Variants in IL1RAPL1 observed in about 807,000 individuals in gnomAD.
IL1RAPL1 encodes the protein interleukin 1 receptor accessory protein like 1.
Under a neutral mutation model 48.4 loss-of-function variants are expected in IL1RAPL1, and 3 were observed. The ratio of observed to expected loss-of-function variants is 0.06; its 90% CI spans 0.03 to 0.16. The LOEUF is 0.16. IL1RAPL1 is among the 10% of genes least tolerant of loss of function. The pLI, the probability that IL1RAPL1 is intolerant of heterozygous loss-of-function variation, is 1.00. For missense variants in IL1RAPL1, 349 were observed against 530.6 expected, an observed-to-expected ratio of 0.66 and a Z score of 3.36; for synonymous variants, 185 against 187.7, an observed-to-expected ratio of 0.99 and a Z score of 0.12.
chrX:29,556,507 G>A (rs920008469), intron 5 of IL1RAPL1, among the ~76,000 whole-genome samples: 1 of 110,266 alleles, frequency 9.1e-6, no homozygotes, highest in African/African-American at 3.3e-5. Context: ...AATTAGCTGG[G>A]TGTGGTGTTG....
At chrX:29,598,206 A>G (rs1383509697) in intron 5 of IL1RAPL1, among the ~76,000 whole-genome samples, 1 of 111,740 alleles carries the variant, frequency 8.9e-6, no homozygotes, top group Admixed American at 9.5e-5. Context: ...TGTAGCCCAG[A>G]GGTTTTGATA....
chrX:29,376,477 T>G (rs1933625197), intron 3 of IL1RAPL1, among the ~76,000 whole-genome samples: 1 of 109,984 alleles, frequency 9.1e-6, no homozygotes, highest in Non-Finnish European at 1.9e-5. Context: ...GCTCAGGTGA[T>G]CCTCACTAGC....
intron 2 of IL1RAPL1, among the ~76,000 whole-genome samples, chrX:29,016,762 A>T (rs1241316278): frequency 3.6e-5 from 4 of 111,372 alleles, no homozygotes; most frequent in Non-Finnish European, 7.5e-5. Context: ...TATATAATTT[A>T]CTGTGATATT....
At chrX:29,114,880 T>G (rs1291777749) in intron 2 of IL1RAPL1, among the ~76,000 whole-genome samples, 1 of 111,557 alleles carries the variant, frequency 9.0e-6, no homozygotes, top group Non-Finnish European at 1.9e-5. Context: ...CGCCCGCCTC[T>G]ACCTCCCAAA....
chrX:29,056,695 C>T (rs180797036), intron 2 of IL1RAPL1, among the ~76,000 whole-genome samples: 1 of 111,585 alleles, frequency 9.0e-6, no homozygotes, highest in Non-Finnish European at 1.9e-5. Flanking sequence ...CATAGGTAAA[C>T]ATGTGCCATG....
intron 5 of IL1RAPL1, among the ~76,000 whole-genome samples, chrX:29,414,716 A>T (rs973104369): frequency 8.9e-6 from 1 of 111,843 alleles, no homozygotes; most frequent in African/African-American, 3.2e-5. Context: ...ATTTTTTTTT[A>T]AAGATCATCT....
At chrX:29,934,612 T>G (rs1932999769) in intron 8 of IL1RAPL1, among the ~76,000 whole-genome samples, 1 of 111,806 alleles carries the variant, frequency 8.9e-6, no homozygotes, top group South Asian at 3.7e-4. Flanking sequence ...TCCACCTAGA[T>G]TTACCAATTA....
At chrX:28,822,239 A>G (rs1936944488) in intron 2 of IL1RAPL1, among the ~76,000 whole-genome samples, 2 of 111,470 alleles carry the variant, frequency 1.8e-5, no homozygotes, top group Non-Finnish European at 3.8e-5. Flanking sequence ...ACACATTGAT[A>G]ATGACTTGTT....
intron 3 of IL1RAPL1, among the ~76,000 whole-genome samples, chrX:29,328,092 A>G (rs945233522): frequency 3.6e-5 from 4 of 111,854 alleles, no homozygotes. Flanking sequence ...TCCTGCCACA[A>G]CACAGCAGTT....
chrX:28,638,226 A>G (rs1179124866), intron 1 of IL1RAPL1, among the ~76,000 whole-genome samples: 1 of 111,861 alleles, frequency 8.9e-6, no homozygotes, highest in Non-Finnish European at 1.9e-5. Flanking sequence ...GTGAAATTAT[A>G]TGCCTAGTCC....
At chrX:29,769,420 C>CCAAA (rs1465456200) in intron 6 of IL1RAPL1, among the ~76,000 whole-genome samples, 2 of 86,232 alleles carry the variant, frequency 2.3e-5, no homozygotes, top group South Asian at 1.1e-3. Flanking sequence ...TGAGGGACTG[C>CCAAA]CAAACAGTTT....
intron 5 of IL1RAPL1, among the ~76,000 whole-genome samples, chrX:29,449,677 C>T (rs1425366609): frequency 6.7e-5 from 7 of 105,019 alleles, no homozygotes; most frequent in Non-Finnish European, 5.8e-5. Flanking sequence ...GAGAAACCAA[C>T]TGGTGAAGAT....
At chrX:29,623,022 G>A (rs1269775795) in intron 5 of IL1RAPL1, among the ~76,000 whole-genome samples, 4 of 108,798 alleles carry the variant, frequency 3.7e-5, no homozygotes, top group Non-Finnish European at 7.6e-5. Context: ...TGTAATCCCA[G>A]CGCTTTGGGA....
chrX:29,867,032 G>C (rs1931708658), intron 6 of IL1RAPL1, among the ~76,000 whole-genome samples: 1 of 110,744 alleles, frequency 9.0e-6, no homozygotes, highest in African/African-American at 3.3e-5. Flanking sequence ...CAAATAACTT[G>C]TTCAGGATCA....
intron 2 of IL1RAPL1, among the ~76,000 whole-genome samples, chrX:28,790,377 C>CATGAGT (rs1936522636): frequency 8.9e-6 from 1 of 112,559 alleles, no homozygotes; most frequent in Admixed American, 9.4e-5. Context: ...TGAGATGGGG[C>CATGAGT]TGTGAAGCAA....
At position 29,066,996 on chromosome X, in the gene IL1RAPL1, C is replaced by T. The variant is rs753677592; in HGVS notation, c.83-215942C>T. Among the ~76,000 whole-genome samples, 4 of 111,708 alleles carry T rather than the reference C, an allele frequency of 3.6e-5. No homozygotes were observed. The South Asian group carries it at 1.1e-3, about 32-fold the overall frequency. Reference sequence around the variant, plus strand: ...AGGAAGGATGTAGACCATGTGTAAACGCCACAGACTCTCCTTGTTCTTACT... The same window carrying T: ...AGGAAGGATGTAGACCATGTGTAAATGCCACAGACTCTCCTTGTTCTTACT... On this transcript the variant is annotated intron_variant, in intron 2 of 10. Coordinates refer to ENST00000378993, the MANE Select transcript of IL1RAPL1 (RefSeq NM_014271.4).
At chrX:29,444,019 T>A (rs1415506181) in intron 5 of IL1RAPL1, among the ~76,000 whole-genome samples, 4 of 112,448 alleles carry the variant, frequency 3.6e-5, no homozygotes, top group Non-Finnish European at 7.5e-5. Context: ...TTTTACCTTA[T>A]GTTAGAAGAA....
chrX:29,653,228 A>T, intron 5 of IL1RAPL1, among the ~76,000 whole-genome samples: 2 of 112,507 alleles, frequency 1.8e-5, no homozygotes, highest in South Asian at 7.3e-4. Context: ...GGACAATTTT[A>T]GCTATAATAT....
chrX:29,337,859 G>A (rs57542338), intron 3 of IL1RAPL1, among the ~76,000 whole-genome samples: 6,720 of 109,876 alleles, frequency 0.061, 511 homozygotes, highest in African/African-American at 0.21. Context: ...ATTTTTAGGA[G>A]AGACAGAGTT....
Sources: gnomAD v4.1 joint callset for allele counts (sites outside exome capture counted in the v4.1 genomes callset) on GRCh38, gnomAD v4.1.1 for gene constraint, MANE v1.5 for transcripts, NCBI Gene and HGNC (gene_info 2026-07-23, HGNC 2026-07-21) for gene names.